ZNF439: variants seen among roughly 807,000 people sequenced by gnomAD.
ZNF439 encodes zinc finger protein 439.
ZNF439 carries 40 observed loss-of-function variants against 47.3 expected under a neutral mutation model. That is an observed-to-expected ratio of 0.85 (90% CI 0.66 to 1.10). The LOEUF is 1.10. Among genes scored for constraint, ZNF439 ranks in the 50% least tolerant of loss-of-function variants. The pLI is 0.00. For synonymous variants in ZNF439, 171 were observed against 198.8 expected (o/e 0.86, Z 1.18); for missense variants, 556 against 601.1 (o/e 0.93, Z 0.78).
chr19:11,854,341 G>A (rs192912159), intron 1 of ZNF439, among the ~76,000 whole-genome samples: 3 of 152,328 alleles, frequency 2.0e-5, no homozygotes, highest in Non-Finnish European at 4.4e-5. Context: ...CTACGGGCAC[G>A]ATGAGTAAGC....
chr19:11,857,876 A>G (rs1976429446), intron 1 of ZNF439: 1 of 152,218 alleles, frequency 6.6e-6, no homozygotes, highest in South Asian at 2.1e-4. Flanking sequence ...ACCAATTTTG[A>G]GATTCCATTT....
chr19:11,868,076 CCT>C lies in ZNF439; in HGVS notation c.1027_1028del (p.Leu343TyrfsTer17). ...TGTAAGCAGTGTGGGAAAGCATTAT[CCT>C]CTCTTACAAGTTTTCAAACACACAT... is the stretch of plus-strand genomic sequence containing the variant. On this transcript the variant is annotated frameshift_variant, in exon 4 of 4. Coordinates refer to ENST00000682736, the MANE Select transcript of ZNF439 (RefSeq NM_001348719.2). LOFTEE classifies it high-confidence loss of function. 6.2e-7 allele frequency: 1 copy of C among 1,614,082 alleles called. No homozygotes were observed. The highest frequency in any genetic ancestry group is 8.5e-7 in the Non-Finnish European group (1 of 1,180,010).
intron 1 of ZNF439, chr19:11,856,958 G>T (rs552428342): frequency 2.6e-5 from 4 of 152,180 alleles, no homozygotes; most frequent in African/African-American, 7.2e-5. Flanking sequence ...GTTTCTATGC[G>T]ACTGGCTACA....
intron 1 of ZNF439, among the ~76,000 whole-genome samples, chr19:11,855,310 G>T (rs2551866): frequency 1.3e-5 from 2 of 152,074 alleles, no homozygotes; most frequent in African/African-American, 2.4e-5. Context: ...GGTCCATGGA[G>T]GGGGGTAGGA....
intron 1 of ZNF439, among the ~76,000 whole-genome samples, chr19:11,862,701 T>A (rs575453238): frequency 1.3e-5 from 2 of 152,306 alleles, no homozygotes; most frequent in South Asian, 2.1e-4. Flanking sequence ...GGATTTCATC[T>A]ACCGCAACAG....
rs1976722582 is a variant in ZNF439 at position 11,867,537 on chromosome 19, G to GCATT, written c.484_485insATTC (p.Pro162HisfsTer9). The stretch of plus-strand genomic sequence containing the variant: ...GTGAATGTCAGGAATATGGACCAAA[G>GCATT]CCATGGAAGAGTCAACAACCTAAAA... On this transcript the variant is annotated frameshift_variant, in exon 4 of 4. Coordinates refer to ENST00000682736, the MANE Select transcript of ZNF439 (RefSeq NM_001348719.2). LOFTEE classifies it high-confidence loss of function. 4.3e-6 allele frequency: 7 copies of GCATT among 1,614,002 alleles called. No homozygotes were observed. In the African/African-American group the frequency reaches 8.0e-5, roughly 18 times the overall value.
rs139088719 is a variant in ZNF439, at chr19:11,866,157, A to G, written c.64-48A>G. 6.3e-4 allele frequency: 1,009 copies of G among 1,612,628 alleles called. 5 individuals carry two copies. The African/African-American group carries it at 0.011, about 18-fold the overall frequency. ...CTTGGGAATAGAGTCTAGGCCCCCA[A>G]TGCTGTCACTCTCACCCATCCTCCT... On this transcript the variant is annotated intron_variant, in intron 1 of 3. Coordinates refer to ENST00000682736, the MANE Select transcript of ZNF439 (RefSeq NM_001348719.2).
At chr19:11,855,404 T>TAATGGAACCA (rs1976358709) in intron 1 of ZNF439, among the ~76,000 whole-genome samples, 2 of 152,114 alleles carry the variant, frequency 1.3e-5, no homozygotes, top group African/African-American at 4.8e-5. Flanking sequence ...CCAGTTACAT[T>TAATGGAACCA]AATGGAACCA....
At chr19:11,860,115 G>A (rs934428776) in intron 1 of ZNF439, among the ~76,000 whole-genome samples, 3 of 152,088 alleles carry the variant, frequency 2.0e-5, no homozygotes, top group Non-Finnish European at 4.4e-5. Context: ...GCATCTTAGT[G>A]TCTGAGAACT....
Position 11,867,861 on chromosome 19 carries a change from CAT to C in ZNF439, c.808_809del (p.Ile270TrpfsTer6). 1 of 1,613,924 alleles carries C rather than the reference CAT, an allele frequency of 6.2e-7. No homozygotes were observed. Among genetic ancestry groups the C allele is most frequent in the Non-Finnish European group, 8.5e-7 (1 of 1,179,934 alleles). ...CCCATCGAATACATGAAAGAACTCA[CAT>C]TGGAGAAAAGCCTTATGAATGTCAG... ...ATHRIHERTH[I>X]GEKPYECQEC... On this transcript the variant is annotated frameshift_variant, in exon 4 of 4. Transcript: ENST00000682736. LOFTEE classifies it high-confidence loss of function.
At position 11,868,288 on chromosome 19, in the gene ZNF439, G is replaced by C; in HGVS notation, c.1234G>C (p.Glu412Gln). Residue 412 changes from glutamate (E) to glutamine (Q), a missense_variant, in exon 4 of 4, where the codon GAG (glutamate) becomes CAG (glutamine). Coordinates refer to ENST00000682736, the MANE Select transcript of ZNF439 (RefSeq NM_001348719.2). Reference sequence around the variant, plus strand: ...ATATCATGAAAGGACTCACACTGGAGAGAAACCCTATGAGTGTAAGCAATG... The same window carrying C: ...ATATCATGAAAGGACTCACACTGGACAGAAACCCTATGAGTGTAAGCAATG... Reference protein sequence around the residue: ...FRYHERTHTGEKPYECKQCGK... With the variant: ...FRYHERTHTGQKPYECKQCGK... The C allele has an allele frequency of 1.2e-6, 2 of 1,614,072 alleles. No individual in the cohort carries two copies. Among genetic ancestry groups the C allele is most frequent in the Non-Finnish European group, 1.7e-6 (2 of 1,180,024 alleles).
rs1976708943 is a variant in ZNF439, at chr19:11,867,209, T to C, written c.252-97T>C. ...CAGACAGGGCAGAAAGCCTACACTTTGATGGAGAGTGTTAAAAATGCAAGT... is the reference window on the plus strand; with the variant it reads ...CAGACAGGGCAGAAAGCCTACACTTCGATGGAGAGTGTTAAAAATGCAAGT... On this transcript the variant is annotated intron_variant, in intron 3 of 3. Transcript: ENST00000682736. The C allele has an allele frequency of 2.2e-6, 3 of 1,389,488 alleles. No individual in the cohort carries two copies. The Admixed American group carries it at 7.2e-5, about 33-fold the overall frequency. 86.1% of individuals were successfully genotyped at this position (1,389,488 alleles called of 1,614,324 possible). A position where few individuals can be genotyped will look rare whatever the true frequency, so the allele number is the denominator to read the frequency against.
At chr19:11,862,131 A>G (rs2145174730) in intron 1 of ZNF439, among the ~76,000 whole-genome samples, 1 of 152,262 alleles carries the variant, frequency 6.6e-6, no homozygotes, top group Non-Finnish European at 1.5e-5. Context: ...CAGGGTCACA[A>G]ACTCCCAAGC....
At chr19:11,867,153 G>C (rs374398084) in intron 3 of ZNF439, among the ~76,000 whole-genome samples, 153 bp from the exon 4 acceptor site, 1 of 152,320 alleles carries the variant, frequency 6.6e-6, no homozygotes, top group East Asian at 1.9e-4. Flanking sequence ...TCACCTTGTA[G>C]AATGTGTTGT....
chr19:11,857,063 C>G (rs1171950954), intron 1 of ZNF439: 1 of 152,186 alleles, frequency 6.6e-6, no homozygotes, highest in Admixed American at 6.5e-5. Flanking sequence ...GAGCGTTGAG[C>G]TGAAAGTCCA....
intron 1 of ZNF439, among the ~76,000 whole-genome samples, chr19:11,854,331 CT>C (rs1976327675): frequency 6.6e-6 from 1 of 152,164 alleles, no homozygotes; most frequent in Admixed American, 6.5e-5. Context: ...GCCTAAGGCT[CT>C]ACGGGCACGA....
intron 1 of ZNF439, chr19:11,850,432 T>G (rs1234567235): frequency 6.6e-6 from 1 of 152,146 alleles, no homozygotes; most frequent in Non-Finnish European, 1.5e-5. Flanking sequence ...ATAAGGTACA[T>G]GAGGAGACAA....
At chr19:11,867,249 T>TAAG (rs1463358328) in intron 3 of ZNF439, 57 bp from the exon 4 acceptor site, 1 of 1,560,372 alleles carries the variant, frequency 6.4e-7, no homozygotes, top group African/African-American at 1.4e-5. Flanking sequence ...TACTTGCTGA[T>TAAG]TAATATAAAA....
chr19:11,852,813 C>T (rs1976286799), intron 1 of ZNF439, among the ~76,000 whole-genome samples: 1 of 151,456 alleles, frequency 6.6e-6, no homozygotes, highest in South Asian at 2.1e-4. Flanking sequence ...GCTGGCCTGA[C>T]TTACTTCTTC....
Sources: gnomAD v4.1 joint callset for allele counts (sites outside exome capture counted in the v4.1 genomes callset) on GRCh38, gnomAD v4.1.1 for gene constraint, MANE v1.5 for transcripts, NCBI Gene and HGNC (gene_info 2026-07-23, HGNC 2026-07-21) for gene names.